Variants in HHAT observed in about 807,000 individuals in gnomAD.
HHAT encodes protein-cysteine N-palmitoyltransferase HHAT.
A neutral mutation model predicts 70.8 loss-of-function variants in HHAT; 47 were observed. The observed-to-expected ratio is 0.66, with a 90% CI of 0.53 to 0.85. HHAT has a LOEUF of 0.85. HHAT is among the 40% of genes least tolerant of loss of function. The pLI is 0.00. For synonymous variants in HHAT, 228 were observed against 247.6 expected (o/e 0.92, Z 0.74); for missense variants, 609 against 604.8 (o/e 1.01, Z -0.07).
At chr1:210,511,499 G>A (rs965603513) in intron 8 of HHAT, among the ~76,000 whole-genome samples, 2 of 152,140 alleles carry the variant, frequency 1.3e-5, no homozygotes, top group South Asian at 2.1e-4. Flanking sequence ...GTCAGGTGGC[G>A]AGGTACCAGG....
At chr1:210,491,078 T>C (rs1304121259) in intron 8 of HHAT, among the ~76,000 whole-genome samples, 1 of 151,490 alleles carries the variant, frequency 6.6e-6, no homozygotes, top group Non-Finnish European at 1.5e-5. Context: ...TGTGTGTGTG[T>C]GTGTGTGTCT....
chr1:210,520,968 C>T (rs942086685), intron 9 of HHAT, among the ~76,000 whole-genome samples: 2 of 152,186 alleles, frequency 1.3e-5, no homozygotes, highest in Non-Finnish European at 2.9e-5. Flanking sequence ...GTATGGAAAT[C>T]ATTCCACTGA....
At chr1:210,542,514 TTG>T (rs2095441515) in intron 9 of HHAT, among the ~76,000 whole-genome samples, 1 of 151,680 alleles carries the variant, frequency 6.6e-6, no homozygotes. Context: ...TATATATATA[TTG>T]GTTGGATGCA....
At chr1:210,596,251 A>T (rs12120216) in intron 10 of HHAT, among the ~76,000 whole-genome samples, 15,938 of 152,136 alleles carry the variant, frequency 0.1, 896 homozygotes, top group Middle Eastern at 0.16. Flanking sequence ...TCTTGTTCAG[A>T]TTCTTAATTA....
At position 210,587,911 on chromosome 1, in the gene HHAT, C is replaced by T. The variant is rs746687297; in HGVS notation, c.1057C>T (p.Pro353Ser). ...HNFLIRYVYI[P>S]VGGSQHGLLG... is the part of the protein sequence containing the mutation. The stretch of plus-strand genomic sequence containing the variant: ...TTCTTTCTCTAGGTATGTGTACATT[C>T]CAGTGGGCGGGTCCCAGCATGGCCT... Residue 353 changes from proline (P) to serine (S), a missense_variant, in exon 10 of 12, where the codon CCA becomes TCA. By Grantham distance (74) the Pro-to-Ser change is moderately conservative. Coordinates refer to ENST00000261458, the MANE Select transcript of HHAT (RefSeq NM_018194.6). 3 of 1,613,880 alleles carry T rather than the reference C, an allele frequency of 1.9e-6. No individual in the cohort carries two copies. Among genetic ancestry groups the T allele is most frequent in the Non-Finnish European group, 2.5e-6 (3 of 1,179,898 alleles).
At chr1:210,506,468 A>G (rs1181006167) in intron 8 of HHAT, among the ~76,000 whole-genome samples, 1 of 152,202 alleles carries the variant, frequency 6.6e-6, no homozygotes, top group Non-Finnish European at 1.5e-5. Flanking sequence ...CAAAACTTGC[A>G]TATCATACAC....
intron 1 of HHAT, among the ~76,000 whole-genome samples, chr1:210,337,301 C>T (rs186565893): frequency 6.6e-6 from 1 of 152,152 alleles, no homozygotes; most frequent in African/African-American, 2.4e-5. Flanking sequence ...AATCTGTTTT[C>T]TATAAATCCT....
intron 1 of HHAT, among the ~76,000 whole-genome samples, chr1:210,344,361 T>C (rs1303310086): frequency 6.6e-6 from 1 of 152,160 alleles, no homozygotes; most frequent in East Asian, 1.9e-4. Flanking sequence ...CTGTGGAGTT[T>C]GCACATTCTC....
chr1:210,537,953 G>T (rs1022644260), intron 9 of HHAT, among the ~76,000 whole-genome samples: 1 of 152,068 alleles, frequency 6.6e-6, no homozygotes, highest in Non-Finnish European at 1.5e-5. Context: ...GTTGTTATTG[G>T]TAATTGGATG....
intron 1 of HHAT, among the ~76,000 whole-genome samples, chr1:210,335,562 G>A (rs191032389): frequency 2.2e-4 from 34 of 152,214 alleles, no homozygotes; most frequent in African/African-American, 8.2e-4. Flanking sequence ...TGTCAGTGTG[G>A]TATTGCATAA....
At chr1:210,430,898 G>T (rs1364004603) in intron 7 of HHAT, among the ~76,000 whole-genome samples, 1 of 151,488 alleles carries the variant, frequency 6.6e-6, no homozygotes, top group Admixed American at 6.6e-5. Flanking sequence ...TCTTTTCCTT[G>T]CATATTCTTT....
intron 6 of HHAT, 103 bp downstream of exon 6, chr1:210,404,782 A>G (rs190685313): frequency 1.2e-6 from 1 of 805,556 alleles, no homozygotes; most frequent in East Asian, 2.6e-5. Flanking sequence ...AGAGGTGCCC[A>G]CAGATTTACA....
At chr1:210,385,607 G>A (rs1295887395) in intron 3 of HHAT, among the ~76,000 whole-genome samples, 2 of 152,188 alleles carry the variant, frequency 1.3e-5, no homozygotes, top group African/African-American at 4.8e-5. Flanking sequence ...TTATGAGCAG[G>A]TCATGTATCA....
chr1:210,652,875 A>C (rs188050192), intron 11 of HHAT, among the ~76,000 whole-genome samples: 2 of 152,332 alleles, frequency 1.3e-5, no homozygotes, highest in Admixed American at 1.3e-4. Flanking sequence ...ATTCCTGTAG[A>C]AGTATAAAGT....
At chr1:210,327,656 C>T (rs1331827866), upstream of HHAT, among the ~76,000 whole-genome samples, 3 of 151,580 alleles carry the variant, frequency 2.0e-5, no homozygotes, top group East Asian at 6.0e-4. Context: ...CAGGTGCAGG[C>T]CACCACACCC....
chr1:210,530,977 T>A (rs2148633296), intron 9 of HHAT, among the ~76,000 whole-genome samples: 1 of 152,354 alleles, frequency 6.6e-6, no homozygotes, highest in South Asian at 2.1e-4. Context: ...GGATACATTC[T>A]GAGAAATGCA....
intron 7 of HHAT, among the ~76,000 whole-genome samples, chr1:210,461,086 G>A (rs1035859405): frequency 2.0e-5 from 3 of 152,124 alleles, no homozygotes; most frequent in Non-Finnish European, 2.9e-5. Context: ...ATAGTAAAAT[G>A]TAATATTTTT....
intron 10 of HHAT, among the ~76,000 whole-genome samples, chr1:210,608,004 T>G (rs917164720): frequency 6.6e-6 from 1 of 152,236 alleles, no homozygotes; most frequent in Non-Finnish European, 1.5e-5. Flanking sequence ...GTTGTGAAGA[T>G]GATCCTATGA....
intron 1 of HHAT, among the ~76,000 whole-genome samples, chr1:210,340,242 G>GAAAAAAAAAAGAAA (rs2085904234): frequency 4.0e-5 from 4 of 99,782 alleles, no homozygotes; most frequent in African/African-American, 1.4e-4. Flanking sequence ...CTCTGTCTCA[G>GAAAAAAAAAAGAAA]AAAAAAAAAA....
Sources: allele counts gnomAD v4.1 joint callset (sites outside exome capture counted in the v4.1 genomes callset), GRCh38; gene constraint gnomAD v4.1.1; transcripts MANE v1.5; gene names NCBI Gene and HGNC (gene_info 2026-07-23, HGNC 2026-07-21).